THSD7B: variants seen among roughly 807,000 people sequenced by gnomAD.
The protein encoded by THSD7B is thrombospondin type-1 domain-containing protein 7B.
Under a neutral mutation model 213.6 loss-of-function variants are expected in THSD7B, and 138 were observed. The observed-to-expected ratio is 0.65, with a 90% CI of 0.56 to 0.74. The LOEUF (loss-of-function observed/expected upper bound fraction) is 0.74. THSD7B is among the 30% of genes least tolerant of loss of function. The probability of loss-of-function intolerance (pLI) is 0.00; values close to 1 mark genes in which losing one functional copy is unlikely to be tolerated. For missense variants in THSD7B, 1,931 were observed against 1,991.5 expected, an observed-to-expected ratio of 0.97 and a Z score of 0.58; for synonymous variants, 742 against 687.0, an observed-to-expected ratio of 1.08 and a Z score of -1.25.
At chr2:136,921,111 C>G (rs1684430740) in intron 2 of THSD7B, among the ~76,000 whole-genome samples, 1 of 151,750 alleles carries the variant, frequency 6.6e-6, no homozygotes, top group African/African-American at 2.4e-5. Flanking sequence ...TCCTGGCTCC[C>G]ACACCAGCTC....
chr2:137,661,403 T>C (rs1390671680), intron 25 of THSD7B, among the ~76,000 whole-genome samples: 2 of 151,928 alleles, frequency 1.3e-5, no homozygotes, highest in African/African-American at 4.8e-5. Flanking sequence ...ATAGGTATAT[T>C]TCTCTTGAGC....
intron 7 of THSD7B, among the ~76,000 whole-genome samples, chr2:137,210,942 T>TG (rs1490417295): frequency 6.6e-6 from 1 of 151,982 alleles, no homozygotes; most frequent in East Asian, 1.9e-4. Flanking sequence ...ATAATTCATT[T>TG]GGGGGAAAAA....
intron 25 of THSD7B, among the ~76,000 whole-genome samples, chr2:137,661,478 C>A (rs1360880684): frequency 6.6e-6 from 1 of 151,666 alleles, no homozygotes; most frequent in Non-Finnish European, 1.5e-5. Context: ...CAGAAGTAAG[C>A]CTACAAGCAG....
rs548851489 is a variant in THSD7B at position 137,414,288 on chromosome 2, A to T, written c.2959+2416A>T. Among the ~76,000 whole-genome samples the T allele has an allele frequency of 4.5e-4, 68 of 152,142 alleles. 1 individual carries two copies. The highest frequency in any genetic ancestry group is 1.4e-3 in the African/African-American group (60 of 41,512). ...ATGTATTTTCAAAAAAAGGTTTTTTAAAAAAAATAGCGAGTGAAAATACCT... is the reference window on the plus strand; with the variant it reads ...ATGTATTTTCAAAAAAAGGTTTTTTTAAAAAAATAGCGAGTGAAAATACCT... On this transcript the variant is annotated intron_variant, in intron 14 of 27. Transcript: ENST00000409968.
At chr2:136,992,581 G>T (rs1405945385) in intron 2 of THSD7B, among the ~76,000 whole-genome samples, 1 of 152,210 alleles carries the variant, frequency 6.6e-6, no homozygotes, top group Non-Finnish European at 1.5e-5. Flanking sequence ...TGGGTGCCTA[G>T]ACTTGATTCT....
At chr2:137,426,413 T>A (rs1207740553) in intron 14 of THSD7B, among the ~76,000 whole-genome samples, 1 of 152,092 alleles carries the variant, frequency 6.6e-6, no homozygotes, top group Non-Finnish European at 1.5e-5. Flanking sequence ...GGCACCACAC[T>A]TCCTGAGTTA....
At chr2:137,464,540 A>G (rs1687954524) in intron 15 of THSD7B, among the ~76,000 whole-genome samples, 1 of 152,094 alleles carries the variant, frequency 6.6e-6, no homozygotes, top group Admixed American at 6.6e-5. Context: ...GAGCTGGAAT[A>G]TTCATAAGGA....
At chr2:137,060,905 T>A (rs898407512) in intron 3 of THSD7B, among the ~76,000 whole-genome samples, 2 of 151,898 alleles carry the variant, frequency 1.3e-5, no homozygotes, top group African/African-American at 2.4e-5. Context: ...AGATTTTGAT[T>A]GGGATTGCAT....
At position 137,056,334 on chromosome 2, in the gene THSD7B, G is replaced by C; in HGVS notation, c.140-86G>C. 4 of 1,359,448 alleles carry C rather than the reference G, an allele frequency of 2.9e-6. No homozygotes were observed. The South Asian group carries it at 5.8e-5, about 20-fold the overall frequency. The allele number at this position is 1,359,448 out of a possible 1,614,324, so 84.2% of individuals were successfully genotyped here. ...TCCTAATTTCATACTGCTTGTGTTG[G>C]AAAGTGTGTTAATTGACTTCTACTT... is the stretch of plus-strand genomic sequence containing the variant. On this transcript the variant is annotated intron_variant, in intron 2 of 27. Transcript: ENST00000409968.
chr2:137,201,218 T>A (rs1680868888), intron 7 of THSD7B, among the ~76,000 whole-genome samples: 1 of 152,176 alleles, frequency 6.6e-6, no homozygotes, highest in African/African-American at 2.4e-5. Context: ...TAACCCTTAG[T>A]GCAAATGACA....
intron 14 of THSD7B, among the ~76,000 whole-genome samples, chr2:137,433,636 G>A (rs1687232168): frequency 6.6e-6 from 1 of 152,108 alleles, no homozygotes; most frequent in Non-Finnish European, 1.5e-5. Flanking sequence ...TTACAGGCAT[G>A]AGCCTCCGTG....
chr2:137,406,437 T>G (rs377731827), intron 13 of THSD7B, among the ~76,000 whole-genome samples: 2 of 152,366 alleles, frequency 1.3e-5, no homozygotes, highest in African/African-American at 4.8e-5. Flanking sequence ...TGTATTTTAC[T>G]ACGTGCCTAG....
intron 4 of THSD7B, among the ~76,000 whole-genome samples, chr2:137,098,151 G>T (rs1558919891): frequency 6.6e-6 from 1 of 152,204 alleles, no homozygotes; most frequent in Admixed American, 6.5e-5. Context: ...AGCAAGTCAT[G>T]TGCATCAAGC....
At chr2:137,263,440 G>A (rs1209569550) in intron 10 of THSD7B, among the ~76,000 whole-genome samples, 8 of 152,280 alleles carry the variant, frequency 5.3e-5, no homozygotes, top group African/African-American at 1.2e-4. Flanking sequence ...AGGTCATATA[G>A]CAATTCAGTA....
intron 20 of THSD7B, among the ~76,000 whole-genome samples, chr2:137,624,122 A>C (rs1016432972): frequency 1.3e-5 from 2 of 152,222 alleles, no homozygotes; most frequent in Admixed American, 1.3e-4. Flanking sequence ...ACTGGTACCA[A>C]AACAGAGATA....
chr2:137,186,468 T>C (rs548664194), intron 7 of THSD7B, among the ~76,000 whole-genome samples: 1 of 150,768 alleles, frequency 6.6e-6, no homozygotes, highest in Admixed American at 6.5e-5. Context: ...CCCAGCACCA[T>C]TTATGGAATA....
In THSD7B at chr2:136,881,285, A is replaced by G. The variant is rs1421973149; in HGVS notation, c.-35-859A>G. On this transcript the variant is annotated intron_variant, in intron 1 of 27. Transcript: ENST00000409968. Reference sequence around the variant, plus strand: ...TGCTTTGGACTTGTTGTGTATGCATATCTCTTTCTCCAAATCATGAGCTCC... The same window carrying G: ...TGCTTTGGACTTGTTGTGTATGCATGTCTCTTTCTCCAAATCATGAGCTCC... 4.6e-5 allele frequency among the ~76,000 whole-genome samples: 7 copies of G among 152,304 alleles called. No homozygotes were observed. In the South Asian group the frequency reaches 1.0e-3, roughly 23 times the overall value.
chr2:137,408,389 T>A (rs1177339266), intron 13 of THSD7B, among the ~76,000 whole-genome samples: 1 of 152,164 alleles, frequency 6.6e-6, no homozygotes, highest in Non-Finnish European at 1.5e-5. Flanking sequence ...CAATGAATAT[T>A]TTTTTGTTTA....
At chr2:137,461,664 A>G (rs1461717720) in intron 15 of THSD7B, among the ~76,000 whole-genome samples, 4 of 152,054 alleles carry the variant, frequency 2.6e-5, no homozygotes, top group Admixed American at 6.6e-5. Flanking sequence ...AGCCTCAAAC[A>G]TTTTCAAAGC....
Sources: gnomAD v4.1 joint callset for allele counts (sites outside exome capture counted in the v4.1 genomes callset) on GRCh38, gnomAD v4.1.1 for gene constraint, MANE v1.5 for transcripts, NCBI Gene and HGNC (gene_info 2026-07-23, HGNC 2026-07-21) for gene names.